FMN2: variants seen among roughly 807,000 people sequenced by gnomAD.
FMN2 encodes formin 2.
Under a neutral mutation model 142.3 loss-of-function variants are expected in FMN2, and 51 were observed. The observed-to-expected ratio is 0.36, with a 90% confidence interval of 0.29 to 0.45. The LOEUF is 0.45. FMN2 is among the 20% of genes least tolerant of loss of function. FMN2 has a pLI of 1.00. For missense variants in FMN2, 1,936 were observed against 2,122.8 expected, an observed-to-expected ratio of 0.91 and a Z score of 1.73; for synonymous variants, 882 against 869.8, an observed-to-expected ratio of 1.01 and a Z score of -0.25.
At chr1:240,395,709 T>C (rs2103102360) in intron 15 of FMN2, among the ~76,000 whole-genome samples, 1 of 152,312 alleles carries the variant, frequency 6.6e-6, no homozygotes, top group Middle Eastern at 3.4e-3. Context: ...AATCTCATAA[T>C]AAAATTTGAA....
chr1:240,357,457 A>C lies in FMN2; in HGVS notation c.4858+1549A>C, dbSNP rs560796305. On this transcript the variant is annotated intron_variant, in intron 14 of 17. Coordinates refer to ENST00000319653, the MANE Select transcript of FMN2 (RefSeq NM_020066.5). ...CTTTCAAAACACAGATGATCAGCCGAATATGATATCTCTGGTAGTCATTTA... is the reference window on the plus strand; with the variant it reads ...CTTTCAAAACACAGATGATCAGCCGCATATGATATCTCTGGTAGTCATTTA... Among the ~76,000 whole-genome samples, 26 of 152,334 alleles carry C rather than the reference A, an allele frequency of 1.7e-4. No homozygotes were observed. The South Asian group carries it at 5.4e-3, about 32-fold the overall frequency.
chr1:240,463,853 A>C (rs534497650), intron 16 of FMN2, among the ~76,000 whole-genome samples: 8 of 152,120 alleles, frequency 5.3e-5, no homozygotes, highest in African/African-American at 1.7e-4. Context: ...AAACACAAAA[A>C]TTAGCCAGGC....
chr1:240,363,985 A>T (rs1015590278), intron 14 of FMN2, among the ~76,000 whole-genome samples: 1 of 152,092 alleles, frequency 6.6e-6, no homozygotes, highest in Non-Finnish European at 1.5e-5. Flanking sequence ...CTGGTGCACT[A>T]GTGGGAAAAA....
Position 240,435,196 on chromosome 1 carries a change from G to T in FMN2, c.4911-2865G>T, listed in dbSNP as rs182973869. 4.5e-4 allele frequency among the ~76,000 whole-genome samples: 68 copies of T among 151,902 alleles called. No homozygotes were observed. The East Asian group carries it at 0.011, about 24-fold the overall frequency. On this transcript the variant is annotated intron_variant, in intron 15 of 17. Coordinates refer to ENST00000319653, the MANE Select transcript of FMN2 (RefSeq NM_020066.5). ...ATATTACTACTTCAGTTTATAACTTGCAAGGTACTTTTATTTAATCTTCAT... is the reference window on the plus strand; with the variant it reads ...ATATTACTACTTCAGTTTATAACTTTCAAGGTACTTTTATTTAATCTTCAT...
intron 13 of FMN2, among the ~76,000 whole-genome samples, chr1:240,349,993 A>G (rs1672036507): frequency 6.6e-6 from 1 of 151,680 alleles, no homozygotes; most frequent in African/African-American, 2.4e-5. Context: ...ACCAATTTTG[A>G]GGATGATAAG....
intron 16 of FMN2, among the ~76,000 whole-genome samples, chr1:240,448,295 T>G (rs541820990): frequency 2.6e-5 from 4 of 152,322 alleles, no homozygotes; most frequent in African/African-American, 9.6e-5. Flanking sequence ...GTGCTTTCCC[T>G]GTGTAAACCC....
intron 1 of FMN2, 35 bp from the exon 2 acceptor site, chr1:240,123,144 A>G (rs1235309145): frequency 6.2e-7 from 1 of 1,611,478 alleles, no homozygotes; most frequent in Non-Finnish European, 8.5e-7. Flanking sequence ...GGTGATCGGC[A>G]GTGCTCGCTC....
Position 240,197,415 on chromosome 1 carries a change from G to C in FMN2, c.1986+9153G>C, listed in dbSNP as rs770508539. On this transcript the variant is annotated intron_variant, in intron 4 of 17. Coordinates refer to ENST00000319653, the MANE Select transcript of FMN2 (RefSeq NM_020066.5). ...GGTCTAACACATTGAACCTGCGGAG[G>C]GGGTGGAGGGATCCTGGATTTATAG... is the stretch of plus-strand genomic sequence containing the variant. 2.1e-4 allele frequency among the ~76,000 whole-genome samples: 32 copies of C among 152,226 alleles called. No individual in the cohort carries two copies. The Middle Eastern group carries it at 0.01, about 49-fold the overall frequency.
chr1:240,170,444 T>C (rs1664656038), intron 2 of FMN2: 1 of 1,333,806 alleles, frequency 7.5e-7, no homozygotes, highest in Admixed American at 1.7e-5. Context: ...TGTCATCCCA[T>C]TTTACATCCC....
intron 6 of FMN2, among the ~76,000 whole-genome samples, chr1:240,222,084 C>G (rs1486032842): frequency 6.7e-6 from 1 of 149,404 alleles, no homozygotes; most frequent in East Asian, 2.0e-4. Flanking sequence ...GTCTCGAACT[C>G]CTGGCCTCAA....
chr1:240,343,433 C>T lies in FMN2; in HGVS notation c.4765+9204C>T, dbSNP rs115728001. 5.7e-3 allele frequency among the ~76,000 whole-genome samples: 865 copies of T among 152,262 alleles called. 11 individuals carry two copies. Among genetic ancestry groups the T allele is most frequent in the African/African-American group, 0.02 (835 of 41,562 alleles). ...CTGATCCAGAGCTCACCCTTTTAAC[C>T]CCAACACAAACACCGCCTCCTTTTG... On this transcript the variant is annotated intron_variant, in intron 13 of 17. Coordinates refer to ENST00000319653, the MANE Select transcript of FMN2 (RefSeq NM_020066.5).
intron 13 of FMN2, among the ~76,000 whole-genome samples, chr1:240,340,920 C>T (rs1371997446): frequency 6.6e-6 from 1 of 152,126 alleles, no homozygotes; most frequent in Non-Finnish European, 1.5e-5. Context: ...ACTGTCTGCC[C>T]AAGTATTACT....
At position 240,209,780 on chromosome 1, in the gene FMN2, G is replaced by T. The variant is rs535962516; in HGVS notation, c.3920+1048G>T. 2.8e-3 allele frequency among the ~76,000 whole-genome samples: 421 copies of T among 151,552 alleles called. 3 individuals carry two copies. The highest frequency in any genetic ancestry group is 0.027 in the South Asian group (127 of 4,772). ...TTAGCCGGGCGAGGTGGCGGGCGCC[G>T]GTAGTTCCAGCTACTCGGGAGGCTG... is the stretch of plus-strand genomic sequence containing the variant. On this transcript the variant is annotated intron_variant, in intron 5 of 17. Transcript: ENST00000319653.
intron 7 of FMN2, among the ~76,000 whole-genome samples, chr1:240,262,070 A>T (rs1342725886): frequency 6.6e-6 from 1 of 151,802 alleles, no homozygotes; most frequent in Non-Finnish European, 1.5e-5. Flanking sequence ...CCCTGCCAGT[A>T]TAGCCCTTTT....
intron 4 of FMN2, among the ~76,000 whole-genome samples, chr1:240,192,459 T>G (rs1251963827): frequency 6.6e-6 from 1 of 152,074 alleles, no homozygotes; most frequent in East Asian, 1.9e-4. Context: ...GAGTATGAGG[T>G]CTTTCTCAAC....
At chr1:240,279,820 A>G (rs1669339123) in intron 7 of FMN2, among the ~76,000 whole-genome samples, 1 of 152,220 alleles carries the variant, frequency 6.6e-6, no homozygotes, top group Non-Finnish European at 1.5e-5. Flanking sequence ...TCATTAACTG[A>G]ACAAATAACA....
intron 2 of FMN2, among the ~76,000 whole-genome samples, chr1:240,172,001 C>T (rs949634041): frequency 6.6e-6 from 1 of 152,110 alleles, no homozygotes; most frequent in Non-Finnish European, 1.5e-5. Flanking sequence ...CCTGCTTTAA[C>T]CCAAAAATAA....
chr1:240,097,791 T>A (rs1431103873), intron 1 of FMN2, among the ~76,000 whole-genome samples: 3 of 152,212 alleles, frequency 2.0e-5, no homozygotes, highest in African/African-American at 7.2e-5. Flanking sequence ...TGCCAGACTC[T>A]GTTGGTGCAT....
chr1:240,422,721 A>G (rs897506836), intron 15 of FMN2, among the ~76,000 whole-genome samples: 3 of 152,162 alleles, frequency 2.0e-5, no homozygotes, highest in Non-Finnish European at 2.9e-5. Flanking sequence ...TCCAATGTGT[A>G]TATCTTTTAT....
Sources: allele counts gnomAD v4.1 joint callset (sites outside exome capture counted in the v4.1 genomes callset), GRCh38; gene constraint gnomAD v4.1.1; transcripts MANE v1.5; gene names NCBI Gene and HGNC (gene_info 2026-07-23, HGNC 2026-07-21).